Variants in CNBD2 observed in about 807,000 individuals in gnomAD.
The protein encoded by CNBD2 is cyclic nucleotide binding domain containing 2.
A neutral mutation model predicts 63.7 loss-of-function variants in CNBD2; 64 were observed. That is an observed-to-expected ratio of 1.00 (90% CI 0.82 to 1.24). The LOEUF (loss-of-function observed/expected upper bound fraction) is 1.24. Among genes scored for constraint, CNBD2 ranks in the 50% most tolerant of loss-of-function variants. CNBD2 has a pLI of 0.00. For missense variants in CNBD2, 691 were observed against 713.5 expected, an observed-to-expected ratio of 0.97 and a Z score of 0.36; for synonymous variants, 229 against 255.4, an observed-to-expected ratio of 0.90 and a Z score of 0.99.
At position 35,968,920 on chromosome 20, in the gene CNBD2, C is replaced by T. The variant is rs952941415; in HGVS notation, c.51+107C>T. On this transcript the variant is annotated intron_variant, in intron 1 of 11. Transcript: ENST00000373973. ...GGAGGGGTCTTGGATGAATGGTGGC[C>T]ATCCTGTACCTTTTGGAGTCACAGC... 179 of 800,198 alleles carry T rather than the reference C, an allele frequency of 2.2e-4. 1 individual carries two copies. In the Admixed American group the frequency reaches 3.9e-3, roughly 18 times the overall value. The allele number at this position is 800,198 out of a possible 1,614,324, so 49.6% of individuals were successfully genotyped here. A position where few individuals can be genotyped will look rare whatever the true frequency, so the allele number is the denominator to read the frequency against.
Position 35,980,642 on chromosome 20 carries a change from C to T in CNBD2, c.407+20C>T, listed in dbSNP as rs755106349. ...TGAACGGTCAGTGAGGGGCACAGCCCTTGGCCACCAGGCTGAGGCTGGACT... is the reference window on the plus strand; with the variant it reads ...TGAACGGTCAGTGAGGGGCACAGCCTTTGGCCACCAGGCTGAGGCTGGACT... On this transcript the variant is annotated intron_variant, in intron 4 of 11. Coordinates refer to ENST00000373973, the MANE Select transcript of CNBD2 (RefSeq NM_001365709.1). 1.2e-6 allele frequency: 2 copies of T among 1,611,430 alleles called. No individual in the cohort carries two copies. Among genetic ancestry groups the T allele is most frequent in the Admixed American group, 1.7e-5 (1 of 59,986 alleles).
upstream of CNBD2, chr20:35,968,535 C>T (rs2056366906): frequency 2.2e-6 from 1 of 452,050 alleles, no homozygotes; most frequent in African/African-American, 2.0e-5. Flanking sequence ...CCTGTGTCCC[C>T]TGCCTCCAGA....
Position 35,975,935 on chromosome 20 carries a change from CCT to C in CNBD2, c.190-11_190-10del. On this transcript the variant is annotated splice_polypyrimidine_tract_variant and intron_variant, in intron 2 of 11. Coordinates refer to ENST00000373973, the MANE Select transcript of CNBD2 (RefSeq NM_001365709.1). ...TGCTGATTCTCCCTCTTCTCCCTGC[CCT>C]CTTTCTTTCAGAAAAAGATGCAAAG... is the stretch of plus-strand genomic sequence containing the variant. 6.2e-7 allele frequency: 1 copy of C among 1,611,528 alleles called. No homozygotes were observed. The highest frequency in any genetic ancestry group is 8.5e-7 in the Non-Finnish European group (1 of 1,177,826).
chr20:35,966,790 C>T (rs1043931174), upstream of CNBD2, among the ~76,000 whole-genome samples: 5 of 152,244 alleles, frequency 3.3e-5, no homozygotes, highest in Non-Finnish European at 5.9e-5. Flanking sequence ...AGAAGCCTCC[C>T]GCTGTAACAA....
intron 7 of CNBD2, among the ~76,000 whole-genome samples, chr20:35,993,293 C>T (rs2056774007): frequency 6.6e-6 from 1 of 152,188 alleles, no homozygotes; most frequent in Non-Finnish European, 1.5e-5. Flanking sequence ...CTCTCCTGTG[C>T]TCCTTCCTAG....
At chr20:35,962,648 A>C (rs529287908) in intron 2 of CNBD2, among the ~76,000 whole-genome samples, 2 of 152,284 alleles carry the variant, frequency 1.3e-5, no homozygotes, top group African/African-American at 4.8e-5. Flanking sequence ...AAAAAACAAA[A>C]ATTTATAGAA....
intron 8 of CNBD2, among the ~76,000 whole-genome samples, chr20:36,004,721 C>T (rs1181421446): frequency 2.6e-5 from 4 of 151,980 alleles, no homozygotes; most frequent in Non-Finnish European, 5.9e-5. Context: ...AGCCACCACA[C>T]CCACCTAATT....
In CNBD2 at chr20:36,002,435, G is replaced by T. The variant is rs529561000; in HGVS notation, c.971-5862G>T. Among the ~76,000 whole-genome samples, 175 of 152,104 alleles carry T rather than the reference G, an allele frequency of 1.2e-3. 4 individuals carry two copies. Among genetic ancestry groups the T allele is most frequent in the South Asian group, 2.1e-3 (10 of 4,810 alleles). ...ACCGTGGGGAGAGGGAGACGGAGAA[G>T]GAGAGGGAGAGGGAGAGCCTAATTT... is the stretch of plus-strand genomic sequence containing the variant. On this transcript the variant is annotated intron_variant, in intron 8 of 11. Coordinates refer to ENST00000373973, the MANE Select transcript of CNBD2 (RefSeq NM_001365709.1).
intron 8 of CNBD2, among the ~76,000 whole-genome samples, chr20:36,004,241 A>G (rs943019707): frequency 5.9e-5 from 9 of 152,170 alleles, no homozygotes; most frequent in African/African-American, 2.2e-4. Context: ...GAGGCTGCCT[A>G]CCACTGGTAG....
chr20:35,977,011 C>T (rs2056529956), intron 3 of CNBD2, among the ~76,000 whole-genome samples: 1 of 152,146 alleles, frequency 6.6e-6, no homozygotes, highest in Admixed American at 6.5e-5. Flanking sequence ...ATGAAGCATA[C>T]TCAGTTAAGT....
At chr20:36,027,156 G>A (rs1300896306) in intron 11 of CNBD2, among the ~76,000 whole-genome samples, 6 of 152,126 alleles carry the variant, frequency 3.9e-5, no homozygotes, top group Non-Finnish European at 7.3e-5. Context: ...TGCCTTTATT[G>A]TCATACTCTG....
chr20:35,990,639 A>G (rs553364651), intron 7 of CNBD2, among the ~76,000 whole-genome samples: 2 of 151,956 alleles, frequency 1.3e-5, no homozygotes, highest in African/African-American at 4.8e-5. Context: ...AAAAAATAAA[A>G]TAAATAAAAA....
At chr20:36,005,293 A>G (rs1038935695) in intron 8 of CNBD2, among the ~76,000 whole-genome samples, 1 of 152,232 alleles carries the variant, frequency 6.6e-6, no homozygotes, top group Non-Finnish European at 1.5e-5. Flanking sequence ...ATCAGGCATT[A>G]GATGGAGCAC....
intron 10 of CNBD2, among the ~76,000 whole-genome samples, chr20:36,014,446 C>T (rs1601093122): frequency 1.3e-5 from 2 of 150,720 alleles, no homozygotes; most frequent in South Asian, 4.2e-4. Context: ...TCTCCTGCCT[C>T]TGCCTCCTGA....
chr20:35,967,725 C>T (rs139389209), upstream of CNBD2, among the ~76,000 whole-genome samples: 7 of 152,070 alleles, frequency 4.6e-5, no homozygotes, highest in South Asian at 4.2e-4. Context: ...TGGTGGCACA[C>T]GCCTGTAATC....
chr20:35,965,584 A>G (rs1431052416), upstream of CNBD2, among the ~76,000 whole-genome samples: 1 of 152,234 alleles, frequency 6.6e-6, no homozygotes, highest in Non-Finnish European at 1.5e-5. Context: ...ACATAGGAAT[A>G]GGACCAGTGC....
intron 7 of CNBD2, among the ~76,000 whole-genome samples, chr20:35,988,367 C>T (rs1041972059): frequency 1.4e-4 from 21 of 151,704 alleles, no homozygotes; most frequent in African/African-American, 4.1e-4. Flanking sequence ...GATGGGGTTT[C>T]GTCATACTGG....
upstream of CNBD2, among the ~76,000 whole-genome samples, chr20:35,968,299 T>G (rs2056364696): frequency 6.6e-6 from 1 of 151,204 alleles, no homozygotes; most frequent in Admixed American, 6.6e-5. Context: ...CTGGTAGGAG[T>G]GTCTTATGTT....
At chr20:35,988,179 T>C (rs527445471) in intron 7 of CNBD2, among the ~76,000 whole-genome samples, 3 of 148,688 alleles carry the variant, frequency 2.0e-5, no homozygotes, top group East Asian at 2.0e-4. Flanking sequence ...CTATTTATTT[T>C]TGAGACAGAG....
Sources: gnomAD v4.1 joint callset for allele counts (sites outside exome capture counted in the v4.1 genomes callset) on GRCh38, gnomAD v4.1.1 for gene constraint, MANE v1.5 for transcripts, NCBI Gene and HGNC (gene_info 2026-07-23, HGNC 2026-07-21) for gene names.